MICAL3: variants seen among roughly 807,000 people sequenced by gnomAD.
MICAL3 encodes the protein microtubule associated monooxygenase, calponin and LIM domain containing 3.
Under a neutral mutation model 207.4 loss-of-function variants are expected in MICAL3, and 62 were observed. That is an observed-to-expected ratio of 0.30 (90% CI 0.24 to 0.37). The LOEUF (loss-of-function observed/expected upper bound fraction) is 0.37, where lower values mean the gene tolerates loss of function less well. Ranked by LOEUF, MICAL3 falls within the 10% of genes least tolerant of loss-of-function variation. The pLI is 1.00. For synonymous variants in MICAL3, 1,077 were observed against 1,069.3 expected (o/e 1.01, Z -0.14); for missense variants, 2,368 against 2,635.6 (o/e 0.90, Z 2.22).
Position 17,976,585 on chromosome 22 carries a change from A to ATT in MICAL3, c.-75+47695_-75+47696insAA, listed in dbSNP as rs1372475997. Among the ~76,000 whole-genome samples the ATT allele has an allele frequency of 1.1e-3, 88 of 83,558 alleles. 2 individuals carry two copies. The highest frequency in any genetic ancestry group is 5.7e-3 in the East Asian group (13 of 2,296). The allele number at this position is 83,558 out of a possible 152,430, so 54.8% of individuals were successfully genotyped here. A position where few individuals can be genotyped will look rare whatever the true frequency, so the allele number is the denominator to read the frequency against. ...TGTATATATATATATATATATATAT[A>ATT]TATATTTTTTTTTTTTTTTTTTGAG... is the stretch of plus-strand genomic sequence containing the variant. On this transcript the variant is annotated intron_variant, in intron 1 of 31. Coordinates refer to ENST00000441493, the MANE Select transcript of MICAL3 (RefSeq NM_015241.3).
Position 17,982,034 on chromosome 22 carries a change from A to G in MICAL3, c.-75+42247T>C, listed in dbSNP as rs148738772. Among the ~76,000 whole-genome samples, 404 of 152,138 alleles carry G rather than the reference A, an allele frequency of 2.7e-3. 2 individuals carry two copies. The highest frequency in any genetic ancestry group is 9.3e-3 in the African/African-American group (385 of 41,498). ...GTGAGAGAATCGCCTGAGCCTGGGAAGTCGAGGTTACAGTGAGCCGAGACT... is the reference window on the plus strand; with the variant it reads ...GTGAGAGAATCGCCTGAGCCTGGGAGGTCGAGGTTACAGTGAGCCGAGACT... On this transcript the variant is annotated intron_variant, in intron 1 of 31. Coordinates refer to ENST00000441493, the MANE Select transcript of MICAL3 (RefSeq NM_015241.3).
At chr22:17,875,681 G>GA (rs1928239108) in intron 16 of MICAL3, 5 of 87,012 alleles carry the variant, frequency 5.7e-5, no homozygotes, top group Non-Finnish European at 7.6e-5. Flanking sequence ...ACCATGTATA[G>GA]TAAAAAAAAA....
Position 17,841,551 on chromosome 22 carries a change from A to G in MICAL3, c.2801+271T>C, listed in dbSNP as rs563106390. On this transcript the variant is annotated intron_variant, in intron 20 of 31. Coordinates refer to ENST00000441493, the MANE Select transcript of MICAL3 (RefSeq NM_015241.3). This position sits in a 1 kb window ranked among gnomAD's most constrained non-coding sequence, Gnocchi z 4.2. ...GAATAACCCGGGGGCAGAGCCTGCC[A>G]CTTTCCTTCCCAATGACAGACTTGG... 364 of 563,982 alleles carry G rather than the reference A, an allele frequency of 6.5e-4. 1 individual carries two copies. The highest frequency in any genetic ancestry group is 9.9e-4 in the South Asian group (40 of 40,428). The allele number at this position is 563,982 out of a possible 1,614,324, so 34.9% of individuals were successfully genotyped here.
intron 1 of MICAL3, among the ~76,000 whole-genome samples, chr22:17,931,107 C>T (rs1362078796): frequency 6.6e-5 from 10 of 152,200 alleles, no homozygotes; most frequent in Admixed American, 6.5e-4. Flanking sequence ...CTGACATCCC[C>T]ACCATCTGGA....
intron 10 of MICAL3, 91 bp downstream of exon 10, chr22:17,895,193 G>A: frequency 7.7e-7 from 1 of 1,291,818 alleles, no homozygotes; most frequent in Non-Finnish European, 1.1e-6. Flanking sequence ...TTGTATGTGT[G>A]GTATTAATAG....
Position 17,936,316 on chromosome 22 carries a change from A to G in MICAL3, c.-74-29430T>C, listed in dbSNP as rs192040268. Among the ~76,000 whole-genome samples the G allele has an allele frequency of 1.0e-3, 155 of 152,294 alleles. 2 individuals are homozygous for G. In the South Asian group the frequency reaches 0.022, roughly 21 times the overall value. On this transcript the variant is annotated intron_variant, in intron 1 of 31. Coordinates refer to ENST00000441493, the MANE Select transcript of MICAL3 (RefSeq NM_015241.3). ...TGGAAACCATCATTCTCAGCAAACT[A>G]TCACAAGTACAGAAAACCAAACACT... is the stretch of plus-strand genomic sequence containing the variant.
chr22:17,868,215 A>AC (rs1302659381), intron 17 of MICAL3, among the ~76,000 whole-genome samples: 1 of 151,656 alleles, frequency 6.6e-6, no homozygotes, highest in Non-Finnish European at 1.5e-5. Context: ...CACAGTACCC[A>AC]CCTCATAGGT....
At chr22:17,886,915 G>A (rs999027447) in intron 15 of MICAL3, among the ~76,000 whole-genome samples, 6 of 134,562 alleles carry the variant, frequency 4.5e-5, no homozygotes, top group African/African-American at 1.6e-4. Flanking sequence ...CCAAATCCAG[G>A]AAGTGGAGGT....
intron 27 of MICAL3, chr22:17,811,456 T>C (rs1429066488): frequency 5.9e-5 from 9 of 152,438 alleles, no homozygotes; most frequent in Non-Finnish European, 1.3e-4. Flanking sequence ...GAACCTGGAC[T>C]GACTCTGGGG....
intron 1 of MICAL3, among the ~76,000 whole-genome samples, chr22:17,998,024 G>A (rs905847476): frequency 2.6e-5 from 4 of 152,160 alleles, no homozygotes; most frequent in East Asian, 1.9e-4. Flanking sequence ...AACCTGGGCC[G>A]GGTGTGGTGG....
At chr22:17,835,868 C>G (rs1272253244) in intron 20 of MICAL3, among the ~76,000 whole-genome samples, 1 of 152,232 alleles carries the variant, frequency 6.6e-6, no homozygotes, top group African/African-American at 2.4e-5. Context: ...GTGCTCCTCA[C>G]AGGGCCAAGT....
intron 7 of MICAL3, 110 bp from the exon 8 acceptor site, chr22:17,897,091 C>T (rs900473732): frequency 2.8e-5 from 35 of 1,252,104 alleles, no homozygotes; most frequent in East Asian, 4.7e-5. Context: ...AGTGACTCCA[C>T]GTTCCAAAAC....
At position 17,895,403 on chromosome 22, in the gene MICAL3, T is replaced by C. The variant is rs1363611884; in HGVS notation, c.1330A>G (p.Ile444Val). The C allele has an allele frequency of 6.2e-7, 1 of 1,613,682 alleles. No homozygotes were observed. The highest frequency in any genetic ancestry group is 1.7e-5 in the Admixed American group (1 of 59,994). Residue 444 changes from isoleucine to valine, a missense_variant, in exon 10 of 32, where the codon ATT (isoleucine) becomes GTT (valine). Ile to Val is a conservative substitution (Grantham distance 29). Transcript: ENST00000441493. ...PLEVLAERES[I>V]YRLLPQTTPE... ...GTGGTCTGAGGCAGCAACCTGTAAA[T>C]ACTTTCCCTGCAATAACACAACAAT...
In MICAL3 at chr22:17,900,722, G is replaced by C; in HGVS notation, c.847+120C>G. On this transcript the variant is annotated intron_variant, in intron 6 of 31. Coordinates refer to ENST00000441493, the MANE Select transcript of MICAL3 (RefSeq NM_015241.3). The surrounding 1 kb of genome is among the most constrained non-coding windows in gnomAD (Gnocchi z 4.0). ...AGAAGGAACAGGAGTGAAAAGAGCA[G>C]GAGGGGCAGACAGTGCAGGAGGGAC... 1 of 754,836 alleles carries C rather than the reference G, an allele frequency of 1.3e-6. No homozygotes were observed. The highest frequency in any genetic ancestry group is 2.2e-6 in the Non-Finnish European group (1 of 457,560). The allele number at this position is 754,836 out of a possible 1,614,324, so 46.8% of individuals were successfully genotyped here.
chr22:17,882,859 C>T (rs1756201787), intron 16 of MICAL3, among the ~76,000 whole-genome samples: 1 of 152,230 alleles, frequency 6.6e-6, no homozygotes, highest in South Asian at 2.1e-4. Context: ...CCACTGCCCA[C>T]ACAGCCTGCC....
chr22:17,834,338 A>G, intron 20 of MICAL3: 1 of 1,209,076 alleles, frequency 8.3e-7, no homozygotes, highest in Non-Finnish European at 1.1e-6. Flanking sequence ...TTGTTCATTT[A>G]CCTGGATAAA....
chr22:17,918,619 G>A (rs527421959), intron 1 of MICAL3, among the ~76,000 whole-genome samples: 1 of 151,744 alleles, frequency 6.6e-6, no homozygotes, highest in Non-Finnish European at 1.5e-5. Flanking sequence ...AAACAGTTCT[G>A]ACCTCATGGA....
intron 27 of MICAL3, among the ~76,000 whole-genome samples, chr22:17,812,267 C>T (rs186327441): frequency 1.1e-4 from 17 of 152,352 alleles, no homozygotes; most frequent in East Asian, 9.6e-4. Flanking sequence ...AGCTGTGTCC[C>T]GACCCGAGGA....
At chr22:17,947,604 C>A (rs1934134854) in intron 1 of MICAL3, among the ~76,000 whole-genome samples, 1 of 152,210 alleles carries the variant, frequency 6.6e-6, no homozygotes, top group African/African-American at 2.4e-5. Flanking sequence ...GTTGTCCAGG[C>A]TGGAGTGCAG....
Sources: gnomAD v4.1 joint callset for allele counts (sites outside exome capture counted in the v4.1 genomes callset) on GRCh38, gnomAD v4.1.1 for gene constraint, Gnocchi (gnomAD v3.1) non-coding constraint, MANE v1.5 for transcripts, NCBI Gene and HGNC (gene_info 2026-07-23, HGNC 2026-07-21) for gene names.